MRPS9: variants seen among roughly 807,000 people sequenced by gnomAD.
MRPS9 encodes mitochondrial ribosomal protein S9.
In MRPS9, 45 loss-of-function variants were observed where a neutral mutation model predicts 59.9. The observed-to-expected ratio is 0.75, with a 90% CI of 0.59 to 0.96. MRPS9 has a LOEUF of 0.96. MRPS9 is among the 40% of genes least tolerant of loss of function. The pLI is 0.00. For missense variants in MRPS9, 473 were observed against 481.1 expected, an observed-to-expected ratio of 0.98 and a Z score of 0.16; for synonymous variants, 171 against 166.8, an observed-to-expected ratio of 1.03 and a Z score of -0.19.
intron 5 of MRPS9, among the ~76,000 whole-genome samples, chr2:105,087,117 A>G (rs937709113): frequency 1.8e-4 from 28 of 152,160 alleles, no homozygotes; most frequent in Admixed American, 2.6e-4. Context: ...GTAAACTTTT[A>G]CTTTCAGTAG....
intron 2 of MRPS9, among the ~76,000 whole-genome samples, chr2:105,065,945 A>G (rs1308236799): frequency 6.9e-6 from 1 of 145,676 alleles, no homozygotes; most frequent in Non-Finnish European, 1.6e-5. Flanking sequence ...AATTTGTAAA[A>G]GAAAAGAAAA....
intron 1 of MRPS9, among the ~76,000 whole-genome samples, chr2:105,042,239 G>A (rs2104436597): frequency 6.6e-6 from 1 of 152,312 alleles, no homozygotes; most frequent in East Asian, 1.9e-4. Context: ...CTCCACTGTG[G>A]GTGGGGAGAG....
intron 4 of MRPS9, among the ~76,000 whole-genome samples, chr2:105,076,504 C>G (rs533602422): frequency 1.3e-5 from 2 of 152,184 alleles, no homozygotes; most frequent in African/African-American, 4.8e-5. Context: ...CACATACATA[C>G]GTATATACAT....
In MRPS9 at chr2:105,089,042, G is replaced by T; in HGVS notation, c.548G>T (p.Ser183Ile). The T allele has an allele frequency of 6.2e-7, 1 of 1,611,422 alleles. No homozygotes were observed. The highest frequency in any genetic ancestry group is 8.5e-7 in the Non-Finnish European group (1 of 1,178,408). Residue 183 changes from serine (S) to isoleucine (I), a missense_variant, in exon 6 of 11, where the codon AGT becomes ATT. By Grantham distance (142) the Ser-to-Ile change is moderately radical (BLOSUM62 -2). Transcript: ENST00000258455. ...EKHQSHLQAK[S>I]LLPEKTVTRD... Reference sequence around the variant, plus strand: ...CATCAAAGTCACTTGCAAGCCAAAAGTCTGCTCCCAGAAAAAACTGTAACC... The same window carrying T: ...CATCAAAGTCACTTGCAAGCCAAAATTCTGCTCCCAGAAAAAACTGTAACC...
chr2:105,093,577 A>C lies in MRPS9; in HGVS notation c.868A>C (p.Ser290Arg), dbSNP rs544151641. 7 of 1,607,658 alleles carry C rather than the reference A, an allele frequency of 4.4e-6. No homozygotes were observed. The East Asian group carries it at 1.6e-4, about 36-fold the overall frequency. The change falls in exon 9 of 11, where the codon AGT becomes CGT. Residue 290 changes from serine (S) to arginine (R), a missense_variant. Coordinates refer to ENST00000258455, the MANE Select transcript of MRPS9 (RefSeq NM_182640.3). ...AGAAGCAATTGTTTATAAACATGGA[A>C]GTGGAAGAATAAAAGTAAATGGAAT... ...KAEAIVYKHG[S>R]GRIKVNGIDY...
At chr2:105,076,210 T>G (rs1680209450) in intron 4 of MRPS9, among the ~76,000 whole-genome samples, 1 of 152,232 alleles carries the variant, frequency 6.6e-6, no homozygotes, top group African/African-American at 2.4e-5. Context: ...TTAAAAATGA[T>G]ACCCTCTTAT....
rs1198175428 is a variant in MRPS9, at chr2:105,038,076, G to C, written c.-17G>C. 6.2e-7 allele frequency: 1 copy of C among 1,612,960 alleles called. No individual in the cohort carries two copies. Among genetic ancestry groups the C allele is most frequent in the South Asian group, 1.1e-5 (1 of 90,914 alleles). The stretch of plus-strand genomic sequence containing the variant: ...CCGCCCCCTCACCCCTCCGGTCCTG[G>C]AGCTCCCACAGCTAACATGGCGGCG... On this transcript the variant is annotated 5_prime_UTR_variant, in exon 1 of 11. Coordinates refer to ENST00000258455, the MANE Select transcript of MRPS9 (RefSeq NM_182640.3).
chr2:105,074,369 A>G lies in MRPS9; in HGVS notation c.409+2880A>G, dbSNP rs528706700. 3.3e-5 allele frequency among the ~76,000 whole-genome samples: 5 copies of G among 152,346 alleles called. No homozygotes were observed. The South Asian group carries it at 8.3e-4, about 25-fold the overall frequency. ...CAACTTCTAGCAAATCTGGCCAGGGAAAAAAGAGAAAACATAAGAGGACAA... is the reference window on the plus strand; with the variant it reads ...CAACTTCTAGCAAATCTGGCCAGGGGAAAAAGAGAAAACATAAGAGGACAA... On this transcript the variant is annotated intron_variant, in intron 4 of 10. Coordinates refer to ENST00000258455, the MANE Select transcript of MRPS9 (RefSeq NM_182640.3).
chr2:105,093,937 A>G (rs538493822), intron 9 of MRPS9, among the ~76,000 whole-genome samples: 5 of 152,316 alleles, frequency 3.3e-5, no homozygotes, highest in African/African-American at 1.2e-4. Context: ...CTGTGCCAAA[A>G]TGTAAAAAAT....
chr2:105,050,391 C>T (rs887778980), intron 2 of MRPS9, among the ~76,000 whole-genome samples: 6 of 152,144 alleles, frequency 3.9e-5, no homozygotes, highest in African/African-American at 1.4e-4. Flanking sequence ...CCACCCATCT[C>T]AGCCTCCCAA....
intron 2 of MRPS9, among the ~76,000 whole-genome samples, chr2:105,068,652 T>C (rs1248578680): frequency 6.6e-6 from 1 of 152,220 alleles, no homozygotes. Context: ...CTACTTAACA[T>C]TTTTGTGTTT....
Position 105,097,338 on chromosome 2 carries a change from T to A in MRPS9, c.1099+14T>A. 1 of 1,579,028 alleles carries A rather than the reference T, an allele frequency of 6.3e-7. No homozygotes were observed. Among genetic ancestry groups the A allele is most frequent in the Non-Finnish European group, 8.6e-7 (1 of 1,162,054 alleles). Reference sequence around the variant, plus strand: ...GGATGAGACAAGGTATGAGTCTAGGTGGGACGGGCATGGTGGCCCAATACT... The same window carrying A: ...GGATGAGACAAGGTATGAGTCTAGGAGGGACGGGCATGGTGGCCCAATACT... On this transcript the variant is annotated intron_variant, in intron 10 of 10. Transcript: ENST00000258455.
rs754016660 is a variant in MRPS9, at chr2:105,084,247, A to AATATAGATATATATATATATATATATAT, written c.489+4190_489+4191insGATATATATATATATATATATATATATA. Among the ~76,000 whole-genome samples, 157 of 139,560 alleles carry AATATAGATATATATATATATATATATAT rather than the reference A, an allele frequency of 1.1e-3. 1 individual carries two copies. The highest frequency in any genetic ancestry group is 3.8e-3 in the Middle Eastern group (1 of 266). 91.6% of individuals were successfully genotyped at this position (139,560 alleles called of 152,430 possible). A position where few individuals can be genotyped will look rare whatever the true frequency, so the allele number is the denominator to read the frequency against. On this transcript the variant is annotated intron_variant, in intron 5 of 10. Transcript: ENST00000258455. ...TGGCCACAGATGAAATATATACCAA[A>AATATAGATATATATATATATATATATAT]ATATATATATATATATATATATGTA...
At chr2:105,080,345 A>C (rs12612214) in intron 5 of MRPS9, among the ~76,000 whole-genome samples, 1 of 152,080 alleles carries the variant, frequency 6.6e-6, no homozygotes, top group African/African-American at 2.4e-5. Context: ...TATAGTGTGT[A>C]CATGTGCTTC....
chr2:105,062,034 G>A (rs1558754601), intron 2 of MRPS9, among the ~76,000 whole-genome samples: 1 of 152,190 alleles, frequency 6.6e-6, no homozygotes, highest in East Asian at 1.9e-4. Context: ...AGCTGATCCA[G>A]TAAGGACCTC....
intron 2 of MRPS9, among the ~76,000 whole-genome samples, chr2:105,061,617 G>A (rs1679906589): frequency 6.6e-6 from 1 of 152,164 alleles, no homozygotes; most frequent in Non-Finnish European, 1.5e-5. Context: ...TAGAGAGAAA[G>A]GTGATAGTGC....
Position 105,097,176 on chromosome 2 carries a change from C to A in MRPS9, c.951C>A (p.Phe317Leu), listed in dbSNP as rs767437404. The A allele has an allele frequency of 1.3e-6, 2 of 1,587,242 alleles. No individual in the cohort carries two copies. Among genetic ancestry groups the A allele is most frequent in the South Asian group, 2.3e-5 (2 of 86,732 alleles). The stretch of plus-strand genomic sequence containing the variant: ...TTAGAGAACAGCTGATGTTCCCTTT[C>A]CACTTTGTTGACCGGCTGGGAAAGC... ...TQDREQLMFP[F>L]HFVDRLGKHD... Residue 317 changes from phenylalanine (F) to leucine (L), a missense_variant, in exon 10 of 11, where the codon TTC becomes TTA. Transcript: ENST00000258455.
chr2:105,060,749 T>C (rs187711862), intron 2 of MRPS9, among the ~76,000 whole-genome samples: 31 of 152,264 alleles, frequency 2.0e-4, no homozygotes, highest in African/African-American at 7.0e-4. Flanking sequence ...TCTTGAGGCA[T>C]TGGCATTTGA....
rs1201947634 is a variant in MRPS9, at chr2:105,071,481, G to C, written c.401G>C (p.Arg134Thr). The C allele has an allele frequency of 6.2e-7, 1 of 1,604,060 alleles. No individual in the cohort carries two copies. The highest frequency in any genetic ancestry group is 1.7e-5 in the Admixed American group (1 of 59,856). The change falls in exon 4 of 11, where the codon AGA becomes ACA. Residue 134 changes from arginine (R) to threonine (T), a missense_variant. Coordinates refer to ENST00000258455, the MANE Select transcript of MRPS9 (RefSeq NM_182640.3). ...CAGCATCCTGAACAGATTTTTCCAA[G>C]ACAAAGAGGTAAGTTTGTTCAAGAA... ...VMKHPEQIFP[R>T]QRAIQWGEDG...
Sources: gnomAD v4.1 joint callset for allele counts (sites outside exome capture counted in the v4.1 genomes callset) on GRCh38, gnomAD v4.1.1 for gene constraint, MANE v1.5 for transcripts, NCBI Gene and HGNC (gene_info 2026-07-23, HGNC 2026-07-21) for gene names.